Variants in TTLL7 observed in about 807,000 individuals in gnomAD.
The protein encoded by TTLL7 is tubulin polyglutamylase TTLL7.
Under a neutral mutation model 120.2 loss-of-function variants are expected in TTLL7, and 53 were observed. That is an observed-to-expected ratio of 0.44 (90% CI 0.35 to 0.55). The LOEUF is 0.55. Among genes scored for constraint, TTLL7 ranks in the 20% least tolerant of loss-of-function variants. The pLI, the probability that TTLL7 is intolerant of heterozygous loss-of-function variation, is 0.00. For synonymous variants in TTLL7, 353 were observed against 351.7 expected (o/e 1.00, Z -0.04); for missense variants, 803 against 1,054.7 (o/e 0.76, Z 3.31).
At chr1:83,962,812 A>G (rs1480418304) in intron 1 of TTLL7, among the ~76,000 whole-genome samples, 1 of 152,130 alleles carries the variant, frequency 6.6e-6, no homozygotes, top group Admixed American at 6.6e-5. Flanking sequence ...CAGGAGTTGT[A>G]GCAATCCAGT....
chr1:83,879,793 C>T (rs965856605), intron 20 of TTLL7: 10 of 151,900 alleles, frequency 6.6e-5, no homozygotes, highest in African/African-American at 2.4e-4. Context: ...CCATCCTGAC[C>T]ATTTATCAGA....
At position 83,953,866 on chromosome 1, in the gene TTLL7, C is replaced by T. The variant is rs115161572; in HGVS notation, c.-176-1479G>A. On this transcript the variant is annotated intron_variant, in intron 1 of 20. Coordinates refer to ENST00000260505, the MANE Select transcript of TTLL7 (RefSeq NM_024686.6). The stretch of plus-strand genomic sequence containing the variant: ...TTTCCAACCCTACTGCAGTACATGC[C>T]GCAAGATATGGCCATATTCTGGGAA... Among the ~76,000 whole-genome samples, 615 of 152,140 alleles carry T rather than the reference C, an allele frequency of 4.0e-3. 3 individuals carry two copies. Among genetic ancestry groups the T allele is most frequent in the African/African-American group, 0.014 (594 of 41,500 alleles).
intron 1 of TTLL7, among the ~76,000 whole-genome samples, chr1:83,971,463 G>A (rs959548857): frequency 6.6e-5 from 10 of 152,080 alleles, no homozygotes; most frequent in African/African-American, 2.4e-4. Context: ...TTCATCTGTT[G>A]TACTTGCATA....
At chr1:83,910,171 G>T (rs1242609527) in intron 15 of TTLL7, among the ~76,000 whole-genome samples, 1 of 152,040 alleles carries the variant, frequency 6.6e-6, no homozygotes, top group Non-Finnish European at 1.5e-5. Flanking sequence ...TCATCTATTG[G>T]TTCTTTATTC....
Position 83,919,730 on chromosome 1 carries a change from C to T in TTLL7, c.1469G>A (p.Arg490Gln), listed in dbSNP as rs915141887. ...CCTTTTCAAAGGATTATTCAACTCT[C>T]GCTGGAATGAAGCTGCTCTTCCTGA... The part of the protein sequence containing the change: ...FLSGRAASFQ[R>Q]ELNNPLKRMK... The change falls in exon 13 of 21, where the codon CGA becomes CAA. Residue 490 changes from arginine (R) to glutamine (Q), a missense_variant. Physicochemically the swap from Arg to Gln is conservative, Grantham distance 43 (BLOSUM62 1). This residue lies in a region of TTLL7 where 324 missense variants were observed against 507.7 expected (regional missense o/e 0.64). Transcript: ENST00000260505. The T allele has an allele frequency of 3.6e-5, 58 of 1,612,680 alleles. 1 individual carries two copies. The highest frequency in any genetic ancestry group is 4.1e-5 in the Non-Finnish European group (48 of 1,179,318).
intron 18 of TTLL7, among the ~76,000 whole-genome samples, chr1:83,892,352 A>ATATATGAATATATATACG: frequency 7.6e-6 from 1 of 131,860 alleles, no homozygotes; most frequent in Admixed American, 8.4e-5. Context: ...ATATACGAAT[A>ATATATGAATATATATACG]TATATGAATA....
chr1:83,903,976 T>G (rs1656962224), intron 18 of TTLL7, 103 bp downstream of exon 18: 1 of 860,978 alleles, frequency 1.2e-6, no homozygotes, highest in East Asian at 2.6e-5. Flanking sequence ...AAGAAATGAG[T>G]AAACAAATGA....
chr1:83,870,180 A>T, intron 20 of TTLL7, 98 bp from the exon 21 acceptor site: 1 of 1,149,478 alleles, frequency 8.7e-7, no homozygotes, highest in South Asian at 2.1e-5. Context: ...CTATATGAGA[A>T]ATGTTACTGT....
intron 1 of TTLL7, among the ~76,000 whole-genome samples, chr1:83,954,973 A>C (rs1649383643): frequency 6.6e-6 from 1 of 152,224 alleles, no homozygotes; most frequent in South Asian, 2.1e-4. Flanking sequence ...AATTTCAAGC[A>C]AATGTTAACC....
intron 14 of TTLL7, among the ~76,000 whole-genome samples, chr1:83,914,751 C>T (rs145236900): frequency 6.9e-4 from 105 of 152,298 alleles, no homozygotes; most frequent in Middle Eastern, 3.4e-3. Context: ...GGCTGTAGCA[C>T]TTTACACTCC....
At chr1:83,917,554 G>T in intron 14 of TTLL7, 50 bp downstream of exon 14, 1 of 1,307,962 alleles carries the variant, frequency 7.6e-7, no homozygotes, top group Non-Finnish European at 1.1e-6. Flanking sequence ...AAGTATCAAG[G>T]GCTAGTAGCA....
Position 83,912,732 on chromosome 1 carries a change from A to G in TTLL7, c.1588-1369T>C, listed in dbSNP as rs529649392. Among the ~76,000 whole-genome samples, 46 of 152,288 alleles carry G rather than the reference A, an allele frequency of 3.0e-4. 2 individuals are homozygous for G. The South Asian group carries it at 7.7e-3, about 25-fold the overall frequency. Reference sequence around the variant, plus strand: ...AAGGATGAAAAATAACCAAAGCAGGAAAGTAGTTTAATTCACTAAGGTACC... The same window carrying G: ...AAGGATGAAAAATAACCAAAGCAGGGAAGTAGTTTAATTCACTAAGGTACC... On this transcript the variant is annotated intron_variant, in intron 14 of 20. Coordinates refer to ENST00000260505, the MANE Select transcript of TTLL7 (RefSeq NM_024686.6).
intron 1 of TTLL7, among the ~76,000 whole-genome samples, chr1:83,961,336 A>G (rs1404788675): frequency 6.6e-6 from 1 of 152,188 alleles, no homozygotes; most frequent in Admixed American, 6.6e-5. Flanking sequence ...ATAAAAATTA[A>G]GCCATGGTCC....
intron 1 of TTLL7, among the ~76,000 whole-genome samples, chr1:83,955,652 A>C (rs1388016649): frequency 2.0e-5 from 3 of 152,208 alleles, no homozygotes; most frequent in Non-Finnish European, 4.4e-5. Context: ...TCTATTGTTT[A>C]TAAGTTATCC....
chr1:83,935,753 ATC>A (rs1397081722), intron 8 of TTLL7, among the ~76,000 whole-genome samples: 1 of 152,168 alleles, frequency 6.6e-6, no homozygotes, highest in Non-Finnish European at 1.5e-5. Flanking sequence ...AAACTAAGAC[ATC>A]AAGATAAAAA....
chr1:83,906,298 C>A (rs1346618194), intron 17 of TTLL7, 31 bp downstream of exon 17: 1 of 1,570,146 alleles, frequency 6.4e-7, no homozygotes. Flanking sequence ...GGTACCAGCT[C>A]CTTGGCATTT....
intron 9 of TTLL7, among the ~76,000 whole-genome samples, chr1:83,932,991 A>C (rs1307958369): frequency 6.6e-6 from 1 of 152,142 alleles, no homozygotes; most frequent in East Asian, 1.9e-4. Context: ...TCTCCTTTTT[A>C]CTATTCTGTA....
intron 9 of TTLL7, 21 bp from the exon 10 acceptor site, chr1:83,929,251 A>T (rs371541036): frequency 3.0e-5 from 47 of 1,550,978 alleles, no homozygotes; most frequent in Non-Finnish European, 4.0e-5. Context: ...CAAAGAAGAC[A>T]ATATTGGAAG....
chr1:83,986,865 G>A (rs1652501376), intron 1 of TTLL7, among the ~76,000 whole-genome samples: 1 of 151,922 alleles, frequency 6.6e-6, no homozygotes, highest in Non-Finnish European at 1.5e-5. Context: ...GAAGAAGAAG[G>A]CAAGGATGTC....
Sources: allele counts gnomAD v4.1 joint callset (sites outside exome capture counted in the v4.1 genomes callset), GRCh38; gene constraint gnomAD v4.1.1; regional missense constraint gnomAD v4.1.1; transcripts MANE v1.5; gene names NCBI Gene and HGNC (gene_info 2026-07-23, HGNC 2026-07-21).